The following GPC5 variants were observed in gnomAD, a reference collection of about 807,000 sequenced individuals.
The protein encoded by GPC5 is glypican 5, also known as glypican-5.
A neutral mutation model predicts 53.9 loss-of-function variants in GPC5; 47 were observed. The ratio of observed to expected loss-of-function variants is 0.87; its 90% CI spans 0.69 to 1.11. The LOEUF (loss-of-function observed/expected upper bound fraction) is 1.11, where lower values mean the gene tolerates loss of function less well. Among genes scored for constraint, GPC5 ranks in the 50% most tolerant of loss-of-function variants. GPC5 has a pLI of 0.00. For synonymous variants in GPC5, 286 were observed against 263.3 expected, an observed-to-expected ratio of 1.09 and a Z score of -0.84; for missense variants, 748 against 713.1, an observed-to-expected ratio of 1.05 and a Z score of -0.56.
chr13:92,465,134 A>G (rs1047573596), intron 7 of GPC5, among the ~76,000 whole-genome samples: 3 of 152,030 alleles, frequency 2.0e-5, no homozygotes, highest in African/African-American at 7.2e-5. Context: ...GGGCAGACAC[A>G]ATTTACTAAA....
At chr13:92,371,848 A>G (rs1018057434) in intron 7 of GPC5, among the ~76,000 whole-genome samples, 1 of 152,212 alleles carries the variant, frequency 6.6e-6, no homozygotes, top group Non-Finnish European at 1.5e-5. Context: ...AACCATATCA[A>G]TGGATGTCAG....
chr13:91,767,629 C>T (rs148398397), intron 5 of GPC5, among the ~76,000 whole-genome samples: 36 of 152,230 alleles, frequency 2.4e-4, no homozygotes, highest in Non-Finnish European at 4.4e-4. Flanking sequence ...AAACAGAATC[C>T]CTAGGAAAAA....
In GPC5 at chr13:92,308,961, AATTT is replaced by A. The variant is rs767509812; in HGVS notation, c.1561+163980_1561+163983del. Among the ~76,000 whole-genome samples the A allele has an allele frequency of 3.9e-5, 6 of 152,238 alleles. No individual in the cohort carries two copies. The East Asian group carries it at 1.2e-3, about 29-fold the overall frequency. On this transcript the variant is annotated intron_variant, in intron 7 of 7. Coordinates refer to ENST00000377067, the MANE Select transcript of GPC5 (RefSeq NM_004466.6). ...TACAGTCATTATGCAGGGAGGTTGCAATTTATTTATTCCTCATTCATTCTCTCAT... is the reference window on the plus strand; with the variant it reads ...TACAGTCATTATGCAGGGAGGTTGCAATTTATTCCTCATTCATTCTCTCAT...
chr13:91,858,788 G>A (rs9523434), intron 5 of GPC5, among the ~76,000 whole-genome samples: 49,889 of 151,670 alleles, frequency 0.33, 9,681 homozygotes, highest in East Asian at 0.64. Context: ...TTAGGTCCTG[G>A]ATTTTTCTTT....
At chr13:92,474,772 G>T (rs1181582711) in intron 7 of GPC5, among the ~76,000 whole-genome samples, 2 of 152,002 alleles carry the variant, frequency 1.3e-5, no homozygotes, top group African/African-American at 2.4e-5. Flanking sequence ...CCCAAGTCAG[G>T]ATTCTCTATT....
intron 7 of GPC5, among the ~76,000 whole-genome samples, chr13:92,252,522 A>T (rs1414160049): frequency 6.6e-6 from 1 of 152,050 alleles, no homozygotes; most frequent in African/African-American, 2.4e-5. Context: ...CTGCACAATG[A>T]TGACTTCATT....
chr13:92,158,500 T>C (rs545465153), intron 7 of GPC5, among the ~76,000 whole-genome samples: 13 of 151,700 alleles, frequency 8.6e-5, no homozygotes, highest in Non-Finnish European at 1.8e-4. Flanking sequence ...TTCTTTTCAG[T>C]TGTTCCTTTT....
chr13:92,697,803 G>T (rs906149177), intron 7 of GPC5, among the ~76,000 whole-genome samples: 4 of 152,116 alleles, frequency 2.6e-5, no homozygotes, highest in African/African-American at 7.2e-5. Context: ...TCCAGTTTTT[G>T]CCCATTCAGT....
At chr13:92,214,653 CTT>C (rs1365924138) in intron 7 of GPC5, among the ~76,000 whole-genome samples, 1 of 152,310 alleles carries the variant, frequency 6.6e-6, no homozygotes, top group East Asian at 1.9e-4. Flanking sequence ...TGCCATCTCT[CTT>C]TCCCAACAAC....
intron 6 of GPC5, among the ~76,000 whole-genome samples, chr13:91,966,792 T>C (rs2040184849): frequency 6.6e-6 from 1 of 152,148 alleles, no homozygotes; most frequent in South Asian, 2.1e-4. Context: ...CTGATATTTT[T>C]TAAAAGGGGA....
chr13:91,547,160 G>A (rs2030343324), intron 2 of GPC5, among the ~76,000 whole-genome samples: 2 of 152,000 alleles, frequency 1.3e-5, no homozygotes, highest in South Asian at 4.1e-4. Flanking sequence ...TTGAGTACTG[G>A]AAAAAATTAG....
chr13:92,430,570 T>A (rs746535437), intron 7 of GPC5, among the ~76,000 whole-genome samples: 1 of 152,106 alleles, frequency 6.6e-6, no homozygotes, highest in Non-Finnish European at 1.5e-5. Context: ...TTTATCACAT[T>A]TTGGTGCCTC....
intron 7 of GPC5, among the ~76,000 whole-genome samples, chr13:92,725,689 A>G (rs1239350148): frequency 6.6e-6 from 1 of 151,664 alleles, no homozygotes; most frequent in Non-Finnish European, 1.5e-5. Flanking sequence ...TTCTCATGTT[A>G]AATCTTAACA....
chr13:92,257,711 C>T lies in GPC5; in HGVS notation c.1561+112722C>T, dbSNP rs576443686. ...AACTACAGGTGGGCACCACCACACC[C>T]GGCTCATTTTTTGTATTTTTAGTAG... On this transcript the variant is annotated intron_variant, in intron 7 of 7. Coordinates refer to ENST00000377067, the MANE Select transcript of GPC5 (RefSeq NM_004466.6). Among the ~76,000 whole-genome samples the T allele has an allele frequency of 3.5e-3, 537 of 151,672 alleles. 6 individuals carry two copies. The highest frequency in any genetic ancestry group is 0.012 in the African/African-American group (514 of 41,290).
At position 92,085,298 on chromosome 13, in the gene GPC5, G is replaced by A. The variant is rs145167050; in HGVS notation, c.1402-59532G>A. On this transcript the variant is annotated intron_variant, in intron 6 of 7. Coordinates refer to ENST00000377067, the MANE Select transcript of GPC5 (RefSeq NM_004466.6). ...ACTGAAGTTGCAAAAATATATTCAA[G>A]AACATTATAAGGGAAATGTATAGGG... Among the ~76,000 whole-genome samples, 752 of 152,246 alleles carry A rather than the reference G, an allele frequency of 4.9e-3. 5 individuals carry two copies. Among genetic ancestry groups the A allele is most frequent in the African/African-American group, 0.017 (705 of 41,536 alleles).
intron 5 of GPC5, among the ~76,000 whole-genome samples, chr13:91,808,136 T>C (rs188289431): frequency 2.4e-4 from 36 of 152,310 alleles, no homozygotes; most frequent in African/African-American, 8.7e-4. Context: ...ATTCGTATAC[T>C]ACATGTAGTA....
intron 2 of GPC5, among the ~76,000 whole-genome samples, chr13:91,604,383 T>A (rs1159910913): frequency 1.3e-5 from 2 of 151,528 alleles, no homozygotes; most frequent in African/African-American, 4.9e-5. Context: ...TCCAAGTCTT[T>A]GCTATTGTGA....
intron 7 of GPC5, among the ~76,000 whole-genome samples, chr13:92,704,818 C>T (rs1887886924): frequency 7.0e-6 from 1 of 143,276 alleles, no homozygotes; most frequent in African/African-American, 2.6e-5. Context: ...CATATATATA[C>T]TTACATATAT....
intron 5 of GPC5, among the ~76,000 whole-genome samples, chr13:91,905,694 C>G (rs996794961): frequency 1.3e-5 from 2 of 151,976 alleles, no homozygotes; most frequent in Non-Finnish European, 2.9e-5. Flanking sequence ...AAACATAGAA[C>G]CTTCTTTTAT....
Sources: gnomAD v4.1 joint callset for allele counts (sites outside exome capture counted in the v4.1 genomes callset) on GRCh38, gnomAD v4.1.1 for gene constraint, MANE v1.5 for transcripts, NCBI Gene and HGNC (gene_info 2026-07-23, HGNC 2026-07-21) for gene names.